GLS: variants seen among roughly 807,000 people sequenced by gnomAD.
GLS encodes the protein glutaminase.
In GLS, 36 loss-of-function variants were observed where a neutral mutation model predicts 86.7. The ratio of observed to expected loss-of-function variants is 0.42; its 90% CI spans 0.32 to 0.55. The LOEUF is 0.55. GLS is among the 20% of genes least tolerant of loss of function. The pLI is 0.17. For missense variants in GLS, 528 were observed against 833.4 expected, an observed-to-expected ratio of 0.63 and a Z score of 4.51; for synonymous variants, 317 against 305.9, an observed-to-expected ratio of 1.04 and a Z score of -0.38.
chr2:190,942,067 C>T (rs75300303), intron 14 of GLS, among the ~76,000 whole-genome samples: 72 of 38,004 alleles, frequency 1.9e-3, no homozygotes, highest in South Asian at 6.6e-3. Flanking sequence ...ACTTTGAAGA[C>T]TTTTTTTTTT....
At chr2:190,948,213 AG>A (rs1439871844) in intron 14 of GLS, among the ~76,000 whole-genome samples, 1 of 152,190 alleles carries the variant, frequency 6.6e-6, no homozygotes, top group East Asian at 1.9e-4. Flanking sequence ...CTCCATAGCT[AG>A]CCTTTTGTTT....
chr2:190,883,145 A>G (rs1379057786), intron 1 of GLS, among the ~76,000 whole-genome samples: 1 of 151,866 alleles, frequency 6.6e-6, no homozygotes, highest in Non-Finnish European at 1.5e-5. Context: ...TCTGTGATTC[A>G]CTTGTCCAGA....
chr2:190,925,012 A>T (rs1418586576), intron 11 of GLS, among the ~76,000 whole-genome samples: 1 of 152,218 alleles, frequency 6.6e-6, no homozygotes, highest in Non-Finnish European at 1.5e-5. Context: ...TGACTTTCAA[A>T]AATGTCTTCA....
chr2:190,925,354 G>A (rs909838113), intron 11 of GLS, among the ~76,000 whole-genome samples: 1 of 152,126 alleles, frequency 6.6e-6, no homozygotes, highest in Non-Finnish European at 1.5e-5. Context: ...TTTCTGCAGT[G>A]TCATATGTCG....
intron 7 of GLS, among the ~76,000 whole-genome samples, chr2:190,910,611 T>G (rs900572671): frequency 6.6e-6 from 1 of 151,710 alleles, no homozygotes; most frequent in Non-Finnish European, 1.5e-5. Context: ...TAGAGGCTTT[T>G]TTTTTTTTTT....
rs1443918157 is a variant in GLS at position 190,923,926 on chromosome 2, T to G, written c.1140T>G (p.Ser380=). ...TTTTTTCTTCTTCCAGGTTTCAGTC[T>G]GAAAGAGAAAGTGGAGATCGAAATT... ...YVGFSNATFQ[S]ERESGDRNFA... The change falls in exon 10 of 18, where the codon TCT becomes TCG. Residue 380 remains serine (S), a synonymous_variant. Coordinates refer to ENST00000320717, the MANE Select transcript of GLS (RefSeq NM_014905.5). 1 of 1,565,534 alleles carries G rather than the reference T, an allele frequency of 6.4e-7. No homozygotes were observed. Among genetic ancestry groups the G allele is most frequent in the East Asian group, 2.3e-5 (1 of 44,432 alleles).
rs942421047 is a variant in GLS at position 190,905,228 on chromosome 2, A to G, written c.979+61A>G. On this transcript the variant is annotated intron_variant, in intron 6 of 17. Transcript: ENST00000320717. This position sits in a 1 kb window ranked among gnomAD's most constrained non-coding sequence, Gnocchi z 4.6. ...TGTCTCATTTTCCTATGTAAATCTA[A>G]GTCGTTTTAAACATTTTTTGATTAA... The G allele has an allele frequency of 2.0e-6, 2 of 1,023,246 alleles. No individual in the cohort carries two copies. The highest frequency in any genetic ancestry group is 3.2e-5 in the African/African-American group (2 of 61,730). The allele number at this position is 1,023,246 out of a possible 1,614,324, so 63.4% of individuals were successfully genotyped here.
chr2:190,884,382 A>G (rs1197041735), intron 1 of GLS, among the ~76,000 whole-genome samples: 2 of 152,144 alleles, frequency 1.3e-5, no homozygotes, highest in East Asian at 1.9e-4. Context: ...CTCCAATTCA[A>G]CCTATTTTGC....
At chr2:190,881,549 G>T in intron 1 of GLS, 79 bp downstream of exon 1, 1 of 1,324,562 alleles carries the variant, frequency 7.5e-7, no homozygotes, top group East Asian at 2.9e-5. Flanking sequence ...CTGCGGTGGG[G>T]CGGGATAGGA....
chr2:190,942,423 T>C (rs1210280049), intron 14 of GLS, among the ~76,000 whole-genome samples: 1 of 152,134 alleles, frequency 6.6e-6, no homozygotes, highest in Non-Finnish European at 1.5e-5. Flanking sequence ...TGATTTGGTT[T>C]TTAAATACTG....
At position 190,954,531 on chromosome 2, in the gene GLS, G is replaced by A. The variant is rs1690810122; in HGVS notation, c.1713-53G>A. The A allele has an allele frequency of 1.7e-6, 2 of 1,165,272 alleles. No individual in the cohort carries two copies. Among genetic ancestry groups the A allele is most frequent in the African/African-American group, 1.5e-5 (1 of 65,386 alleles). The allele number at this position is 1,165,272 out of a possible 1,614,324, so 72.2% of individuals were successfully genotyped here. On this transcript the variant is annotated intron_variant, in intron 15 of 17. Coordinates refer to ENST00000320717, the MANE Select transcript of GLS (RefSeq NM_014905.5). This position sits in a 1 kb window ranked among gnomAD's most constrained non-coding sequence, Gnocchi z 4.0. ...AACTGATGGAGTGAATGTTACCAGTGTGAATTAAATTTGCTTTATATATAA... is the reference window on the plus strand; with the variant it reads ...AACTGATGGAGTGAATGTTACCAGTATGAATTAAATTTGCTTTATATATAA...
At chr2:190,907,847 C>T (rs1266486348) in intron 6 of GLS, among the ~76,000 whole-genome samples, 2 of 152,142 alleles carry the variant, frequency 1.3e-5, no homozygotes, top group Admixed American at 6.5e-5. Context: ...ATTTCTAATA[C>T]ATAATGGGAG....
At chr2:190,961,694 T>G (rs891922168) in intron 17 of GLS, among the ~76,000 whole-genome samples, 2 of 151,592 alleles carry the variant, frequency 1.3e-5, no homozygotes, top group African/African-American at 2.4e-5. Context: ...CAGCTGTTTT[T>G]TTTTTTTTTT....
Position 190,963,455 on chromosome 2 carries a change from G to T in GLS, c.*469G>T, listed in dbSNP as rs749313854. The T allele has an allele frequency of 5.2e-5, 8 of 153,276 alleles. No homozygotes were observed. Among genetic ancestry groups the T allele is most frequent in the Non-Finnish European group, 1.0e-4 (7 of 68,490 alleles). 9.5% of individuals were successfully genotyped at this position (153,276 alleles called of 1,614,324 possible). A position where few individuals can be genotyped will look rare whatever the true frequency, so the allele number is the denominator to read the frequency against. ...TGAACAACTATATGCACTTACGGTT[G>T]TGTGTTTAAAATGTCTCTCTCACCC... is the stretch of plus-strand genomic sequence containing the variant. On this transcript the variant is annotated 3_prime_UTR_variant, in exon 18 of 18. Coordinates refer to ENST00000320717, the MANE Select transcript of GLS (RefSeq NM_014905.5).
At chr2:190,884,364 A>C (rs939961434) in intron 1 of GLS, among the ~76,000 whole-genome samples, 8 of 152,178 alleles carry the variant, frequency 5.3e-5, no homozygotes, top group Admixed American at 1.3e-4. Context: ...CCTGATATTC[A>C]TTCTTTTCTC....
rs932364140 is a variant in GLS at position 190,963,267 on chromosome 2, GATTT to G, written c.*286_*289del. 5.1e-5 allele frequency: 12 copies of G among 237,278 alleles called. No homozygotes were observed. The highest frequency in any genetic ancestry group is 4.9e-4 in the Admixed American group (9 of 18,534). 14.7% of individuals were successfully genotyped at this position (237,278 alleles called of 1,614,324 possible). A position where few individuals can be genotyped will look rare whatever the true frequency, so the allele number is the denominator to read the frequency against. On this transcript the variant is annotated 3_prime_UTR_variant, in exon 18 of 18. Transcript: ENST00000320717. Reference sequence around the variant, plus strand: ...AATGCTAGCTTGTGTGGTCTTCCATGATTTATTTGTGTTTTGTGAATTTTCAATT... The same window carrying G: ...AATGCTAGCTTGTGTGGTCTTCCATGATTTGTGTTTTGTGAATTTTCAATT...
At chr2:190,948,014 C>T (rs989445665) in intron 14 of GLS, among the ~76,000 whole-genome samples, 12 of 152,202 alleles carry the variant, frequency 7.9e-5, no homozygotes, top group African/African-American at 2.4e-4. Flanking sequence ...ATTCTACCCA[C>T]AGCTCATTTC....
chr2:190,949,245 C>G lies in GLS; in HGVS notation c.1651-4320C>G, dbSNP rs139469455. On this transcript the variant is annotated intron_variant, in intron 14 of 17. Coordinates refer to ENST00000320717, the MANE Select transcript of GLS (RefSeq NM_014905.5). This position sits in a 1 kb window ranked among gnomAD's most constrained non-coding sequence, Gnocchi z 4.0. ...AGGAATGATTTTGGGTTTCTTGATA[C>G]TCCGCTGCTTAGAAACCTGTAGTGA... Among the ~76,000 whole-genome samples, 973 of 152,246 alleles carry G rather than the reference C, an allele frequency of 6.4e-3. 9 individuals carry two copies. Among genetic ancestry groups the G allele is most frequent in the African/African-American group, 0.022 (923 of 41,530 alleles).
At position 190,895,376 on chromosome 2, in the gene GLS, A is replaced by G. The variant is rs1212689462; in HGVS notation, c.483+128A>G. ...TCTGACTGACAATATTTCTCTTATT[A>G]TGTTTTCAAATTTTTGTCATGCTCA... On this transcript the variant is annotated intron_variant, in intron 2 of 17. Transcript: ENST00000320717. The surrounding 1 kb of genome is among the most constrained non-coding windows in gnomAD (Gnocchi z 4.2). 3.7e-6 allele frequency: 2 copies of G among 542,724 alleles called. No homozygotes were observed. The highest frequency in any genetic ancestry group is 1.9e-5 in the African/African-American group (1 of 52,346). The allele number at this position is 542,724 out of a possible 1,614,324, so 33.6% of individuals were successfully genotyped here.
Sources: allele counts gnomAD v4.1 joint callset (sites outside exome capture counted in the v4.1 genomes callset), GRCh38; gene constraint gnomAD v4.1.1; non-coding constraint Gnocchi (gnomAD v3.1); transcripts MANE v1.5; gene names NCBI Gene and HGNC (gene_info 2026-07-23, HGNC 2026-07-21).